Variants in FSTL4 observed in about 807,000 individuals in gnomAD.
The protein encoded by FSTL4 is follistatin like 4, also known as follistatin-related protein 4.
FSTL4 carries 28 observed loss-of-function variants against 78.2 expected under a neutral mutation model. The ratio of observed to expected loss-of-function variants is 0.36; its 90% CI spans 0.27 to 0.49. The LOEUF is 0.49. Ranked by LOEUF, FSTL4 falls within the 20% of genes least tolerant of loss-of-function variation. FSTL4 has a pLI of 0.98. For synonymous variants in FSTL4, 422 were observed against 440.5 expected (o/e 0.96, Z 0.53); for missense variants, 922 against 1,084.9 (o/e 0.85, Z 2.11).
intron 3 of FSTL4, among the ~76,000 whole-genome samples, chr5:133,538,982 C>T (rs1454294514): frequency 6.6e-6 from 1 of 152,090 alleles, no homozygotes; most frequent in African/African-American, 2.4e-5. Flanking sequence ...CACTTGGGCT[C>T]CTTCACAAGA....
the FSTL4 span, among the ~76,000 whole-genome samples, chr5:133,789,972 C>T: frequency 4.6e-5 from 7 of 152,158 alleles, no homozygotes; most frequent in South Asian, 2.1e-4. Flanking sequence ...TACCCCATAA[C>T]GCTGGGTCTG....
chr5:133,284,004 G>A lies in FSTL4; in HGVS notation c.727+28650C>T, dbSNP rs554705419. Among the ~76,000 whole-genome samples the A allele has an allele frequency of 9.8e-5, 15 of 152,294 alleles. No homozygotes were observed. In the South Asian group the frequency reaches 2.5e-3, roughly 25 times the overall value. On this transcript the variant is annotated intron_variant, in intron 6 of 15. Transcript: ENST00000265342. ...GTGGAAACTCACTATCATGAGAGTGGCAAGGGGGAAATTTGATCCCATGAT... is the reference window on the plus strand; with the variant it reads ...GTGGAAACTCACTATCATGAGAGTGACAAGGGGGAAATTTGATCCCATGAT...
chr5:133,349,311 G>C lies in FSTL4; in HGVS notation c.410-32659C>G, dbSNP rs1440655882. 2.5e-3 allele frequency among the ~76,000 whole-genome samples: 381 copies of C among 151,902 alleles called. 2 individuals are homozygous for C. Among genetic ancestry groups the C allele is most frequent in the African/African-American group, 8.5e-3 (353 of 41,448 alleles). On this transcript the variant is annotated intron_variant, in intron 4 of 15. Transcript: ENST00000265342. ...CCTCTCTCTCTGTGTGTGTGTGTGT[G>C]TGTGTGTGTGTGTGTGTGTGTGTGT...
chr5:133,222,638 C>T (rs1244583940), intron 11 of FSTL4, among the ~76,000 whole-genome samples: 1 of 152,166 alleles, frequency 6.6e-6, no homozygotes, highest in African/African-American at 2.4e-5. Flanking sequence ...GAGTGCAGTA[C>T]CTTGGCCTTG....
the FSTL4 span, among the ~76,000 whole-genome samples, chr5:133,741,446 G>A: frequency 6.6e-6 from 1 of 152,212 alleles, no homozygotes; most frequent in African/African-American, 2.4e-5. Context: ...GCTATGGACT[G>A]TCTCCCCATG....
the FSTL4 span, among the ~76,000 whole-genome samples, chr5:133,623,387 A>C: frequency 1.3e-5 from 2 of 152,076 alleles, no homozygotes; most frequent in African/African-American, 4.8e-5. Flanking sequence ...TTCTAAGACT[A>C]TACAATGGAG....
At chr5:133,406,499 G>A (rs1040555611) in intron 3 of FSTL4, among the ~76,000 whole-genome samples, 4 of 152,166 alleles carry the variant, frequency 2.6e-5, no homozygotes, top group Admixed American at 6.5e-5. Context: ...GGTGGGAAGA[G>A]AGCAGCCCTC....
intron 6 of FSTL4, among the ~76,000 whole-genome samples, chr5:133,277,817 TG>T (rs1404145921): frequency 6.6e-6 from 1 of 152,168 alleles, no homozygotes; most frequent in Non-Finnish European, 1.5e-5. Context: ...GAACTGTTTT[TG>T]GGGGTTCATG....
At chr5:133,531,737 G>A (rs867051284) in intron 3 of FSTL4, among the ~76,000 whole-genome samples, 39 of 152,348 alleles carry the variant, frequency 2.6e-4, no homozygotes, top group South Asian at 1.2e-3. Flanking sequence ...CACAGGTTTG[G>A]TGATAGGGCG....
At chr5:133,799,585 C>T in the FSTL4 span, among the ~76,000 whole-genome samples, 1 of 138,574 alleles carries the variant, frequency 7.2e-6, no homozygotes, top group African/African-American at 2.6e-5. Context: ...GACTCAGAGA[C>T]ATGGGGTACC....
At chr5:133,449,166 C>T (rs555720599) in intron 3 of FSTL4, among the ~76,000 whole-genome samples, 14 of 152,208 alleles carry the variant, frequency 9.2e-5, no homozygotes, top group Non-Finnish European at 1.6e-4. Context: ...TGTGCCCCTG[C>T]GTCTGTGCAC....
chr5:133,453,324 T>C (rs1561722928), intron 3 of FSTL4, among the ~76,000 whole-genome samples: 1 of 152,186 alleles, frequency 6.6e-6, no homozygotes. Context: ...ATATGACATC[T>C]GAGTGTACAC....
the FSTL4 span, among the ~76,000 whole-genome samples, chr5:133,786,548 G>A: frequency 2.0e-5 from 3 of 152,336 alleles, no homozygotes; most frequent in South Asian, 6.2e-4. Context: ...AGGCAGGACT[G>A]TTTCCAGGCA....
intron 4 of FSTL4, among the ~76,000 whole-genome samples, chr5:133,350,148 G>T (rs1173492306): frequency 6.6e-6 from 1 of 150,876 alleles, no homozygotes; most frequent in Non-Finnish European, 1.5e-5. Flanking sequence ...CCATAGGATG[G>T]ACTTTATGTT....
At chr5:133,572,916 A>G (rs971150107) in intron 2 of FSTL4, among the ~76,000 whole-genome samples, 1 of 152,228 alleles carries the variant, frequency 6.6e-6, no homozygotes, top group Non-Finnish European at 1.5e-5. Context: ...ATTTAAACCT[A>G]TTTAACTATA....
At chr5:133,820,131 C>G in the FSTL4 span, among the ~76,000 whole-genome samples, 1 of 152,198 alleles carries the variant, frequency 6.6e-6, no homozygotes, top group South Asian at 2.1e-4. Flanking sequence ...TCGCAGAGGC[C>G]TGTGTCCTCC....
intron 3 of FSTL4, among the ~76,000 whole-genome samples, chr5:133,464,706 G>A (rs546806454): frequency 3.3e-5 from 5 of 152,240 alleles, no homozygotes; most frequent in African/African-American, 1.2e-4. Context: ...CCCTGGACCT[G>A]GAGGCCACAC....
intron 3 of FSTL4, among the ~76,000 whole-genome samples, chr5:133,481,276 C>T (rs902992087): frequency 2.2e-4 from 33 of 152,132 alleles, no homozygotes; most frequent in African/African-American, 7.7e-4. Context: ...CACGGTGGTT[C>T]ACATCTGTAA....
intron 6 of FSTL4, among the ~76,000 whole-genome samples, chr5:133,281,567 C>G (rs1753010691): frequency 6.6e-6 from 1 of 152,100 alleles, no homozygotes; most frequent in Admixed American, 6.6e-5. Flanking sequence ...TGCTGCAGTC[C>G]TGGGCCAGGA....
Sources: gnomAD v4.1 joint callset for allele counts (sites outside exome capture counted in the v4.1 genomes callset) on GRCh38, gnomAD v4.1.1 for gene constraint, MANE v1.5 for transcripts, NCBI Gene and HGNC (gene_info 2026-07-23, HGNC 2026-07-21) for gene names.